The following USP39 variants were observed in gnomAD, a reference collection of about 807,000 sequenced individuals.
The protein encoded by USP39 is ubiquitin carboxyl-terminal hydrolase 39.
In USP39, 38 loss-of-function variants were observed where a neutral mutation model predicts 66.4. The observed-to-expected ratio is 0.57, with a 90% CI of 0.44 to 0.75. The LOEUF (loss-of-function observed/expected upper bound fraction) is 0.75. USP39 is among the 30% of genes least tolerant of loss of function. The pLI is 0.00. For synonymous variants in USP39, 303 were observed against 274.6 expected, an observed-to-expected ratio of 1.10 and a Z score of -1.02; for missense variants, 608 against 714.4, an observed-to-expected ratio of 0.85 and a Z score of 1.70.
upstream of USP39, among the ~76,000 whole-genome samples, chr2:85,613,865 C>A (rs1430237704): frequency 6.6e-6 from 1 of 152,032 alleles, no homozygotes; most frequent in Non-Finnish European, 1.5e-5. Context: ...GCAGCCTCCA[C>A]CTCTCAGGCC....
At chr2:85,645,800 T>C (rs1441984563) in intron 11 of USP39, 2 of 152,256 alleles carry the variant, frequency 1.3e-5, no homozygotes, top group African/African-American at 4.8e-5. Context: ...TTGATGTCTT[T>C]TCTATTTTTC....
intron 12 of USP39, among the ~76,000 whole-genome samples, chr2:85,648,320 C>T (rs1184288405): frequency 2.0e-5 from 3 of 152,176 alleles, no homozygotes; most frequent in East Asian, 1.9e-4. Context: ...AACCTAGACT[C>T]ATCAGGGAGG....
chr2:85,624,962 TAA>T (rs11370666), intron 4 of USP39, among the ~76,000 whole-genome samples: 18 of 137,374 alleles, frequency 1.3e-4, no homozygotes, highest in African/African-American at 1.8e-4. Context: ...AAACTCCATC[TAA>T]AAAAAAAAAA....
At chr2:85,645,445 G>A (rs1172685797) in intron 11 of USP39, among the ~76,000 whole-genome samples, 2 of 151,920 alleles carry the variant, frequency 1.3e-5, no homozygotes, top group Non-Finnish European at 2.9e-5. Flanking sequence ...CACCACGCCC[G>A]GCTAATTTTT....
At chr2:85,636,315 A>G (rs576835256) in intron 7 of USP39, among the ~76,000 whole-genome samples, 185 bp downstream of exon 7, 3 of 152,164 alleles carry the variant, frequency 2.0e-5, no homozygotes, top group Admixed American at 2.0e-4. Context: ...CAAAAATACA[A>G]AAGTTATTCA....
At chr2:85,643,189 T>C (rs1676374485) in intron 10 of USP39, among the ~76,000 whole-genome samples, 1 of 152,136 alleles carries the variant, frequency 6.6e-6, no homozygotes, top group Middle Eastern at 3.2e-3. Context: ...CATGAAATCT[T>C]GAGTATAAAG....
intron 11 of USP39, among the ~76,000 whole-genome samples, chr2:85,647,722 G>A (rs17508843): frequency 0.21 from 31,166 of 151,752 alleles, 3,520 homozygotes; most frequent in Non-Finnish European, 0.26. Flanking sequence ...TTCCCAACAG[G>A]AATTGAGTTT....
chr2:85,635,063 G>A (rs542655021), intron 6 of USP39, among the ~76,000 whole-genome samples: 1 of 152,324 alleles, frequency 6.6e-6, no homozygotes, highest in African/African-American at 2.4e-5. Flanking sequence ...GTGTTTAGAT[G>A]TGTGAAGTGT....
At chr2:85,648,097 G>A in intron 12 of USP39, 81 bp downstream of exon 12, 1 of 1,492,658 alleles carries the variant, frequency 6.7e-7, no homozygotes, top group Non-Finnish European at 9.3e-7. Context: ...GCAGGAAGAG[G>A]GATAGAGTTA....
At chr2:85,642,219 G>C (rs1049246443) in intron 10 of USP39, among the ~76,000 whole-genome samples, 32 of 152,138 alleles carry the variant, frequency 2.1e-4, no homozygotes, top group African/African-American at 7.7e-4. Context: ...AATTACAGGG[G>C]AATTTCTTTT....
intron 3 of USP39, among the ~76,000 whole-genome samples, chr2:85,623,414 C>T (rs899380491): frequency 2.0e-5 from 3 of 150,262 alleles, no homozygotes; most frequent in Admixed American, 6.6e-5. Flanking sequence ...AATTTGTTTC[C>T]CTAATCAATG....
Position 85,648,929 on chromosome 2 carries a change from G to C in USP39, c.*121G>C, listed in dbSNP as rs1424606975. 8.5e-7 allele frequency: 1 copy of C among 1,177,700 alleles called. No homozygotes were observed. The highest frequency in any genetic ancestry group is 1.3e-5 in the South Asian group (1 of 75,600). 73.0% of individuals were successfully genotyped at this position (1,177,700 alleles called of 1,614,324 possible). A position where few individuals can be genotyped will look rare whatever the true frequency, so the allele number is the denominator to read the frequency against. The stretch of plus-strand genomic sequence containing the variant: ...TCCTAGGCCAGCCCAGCTTGTATGG[G>C]TTCTGGCTACACCAGAGCACCAAGA... On this transcript the variant is annotated 3_prime_UTR_variant, in exon 13 of 13. Coordinates refer to ENST00000323701, the MANE Select transcript of USP39 (RefSeq NM_006590.4).
intron 5 of USP39, among the ~76,000 whole-genome samples, chr2:85,629,156 C>T (rs559082132): frequency 2.0e-5 from 3 of 151,946 alleles, no homozygotes; most frequent in Non-Finnish European, 4.4e-5. Context: ...CTCTGCCTCC[C>T]GGGTCTAAGT....
upstream of USP39, chr2:85,612,033 A>G (rs1558841354): frequency 2.3e-6 from 3 of 1,331,582 alleles, no homozygotes. Flanking sequence ...CCCCAACAAC[A>G]GCCACCCGCC....
intron 11 of USP39, 92 bp downstream of exon 11, chr2:85,645,175 G>T: frequency 1.3e-6 from 2 of 1,562,536 alleles, no homozygotes; most frequent in Non-Finnish European, 8.7e-7. Context: ...GTGTGTCCTT[G>T]CTTGGCCTTG....
intron 1 of USP39, among the ~76,000 whole-genome samples, chr2:85,604,521 T>C (rs968494370): frequency 6.6e-6 from 1 of 152,204 alleles, no homozygotes; most frequent in African/African-American, 2.4e-5. Context: ...GGGAGAGCCC[T>C]GTCCTTAAAC....
chr2:85,615,855 C>T (rs1558844834), upstream of USP39, among the ~76,000 whole-genome samples: 1 of 152,190 alleles, frequency 6.6e-6, no homozygotes, highest in South Asian at 2.1e-4. Flanking sequence ...GTCTCGAACT[C>T]CCGACCTCAG....
chr2:85,642,132 G>C (rs972378699), intron 10 of USP39, among the ~76,000 whole-genome samples: 14 of 152,200 alleles, frequency 9.2e-5, no homozygotes, highest in Non-Finnish European at 1.5e-4. Context: ...GGTTTGTCCA[G>C]GTGTAACATC....
intron 11 of USP39, 104 bp from the exon 12 acceptor site, chr2:85,647,826 A>T: frequency 1.1e-6 from 1 of 924,422 alleles, no homozygotes; most frequent in Non-Finnish European, 1.7e-6. Context: ...GATGATGTCT[A>T]GTGGCTGTTC....
Sources: allele counts gnomAD v4.1 joint callset (sites outside exome capture counted in the v4.1 genomes callset), GRCh38; gene constraint gnomAD v4.1.1; transcripts MANE v1.5; gene names NCBI Gene and HGNC (gene_info 2026-07-23, HGNC 2026-07-21).